SEMA3E: variants seen among roughly 807,000 people sequenced by gnomAD.
SEMA3E encodes the protein semaphorin-3E.
SEMA3E carries 49 observed loss-of-function variants against 93.6 expected under a neutral mutation model. That is an observed-to-expected ratio of 0.52 (90% CI 0.42 to 0.66). The LOEUF is 0.66. Among genes scored for constraint, SEMA3E ranks in the 30% least tolerant of loss-of-function variants. The pLI is 0.00. For missense variants in SEMA3E, 906 were observed against 964.8 expected, an observed-to-expected ratio of 0.94 and a Z score of 0.81; for synonymous variants, 363 against 330.7, an observed-to-expected ratio of 1.10 and a Z score of -1.06.
intron 1 of SEMA3E, among the ~76,000 whole-genome samples, chr7:83,582,074 C>T (rs546349147): frequency 6.6e-5 from 10 of 151,732 alleles, no homozygotes; most frequent in Middle Eastern, 3.2e-3. Context: ...TCCCAAGTCA[C>T]GGGGAGAATA....
chr7:83,385,712 T>C (rs1787865401), intron 15 of SEMA3E, among the ~76,000 whole-genome samples: 1 of 152,088 alleles, frequency 6.6e-6, no homozygotes, highest in African/African-American at 2.4e-5. Context: ...GCATCAGTGT[T>C]AAACTCATGG....
chr7:83,500,590 CTTTTTT>C (rs371350850), intron 1 of SEMA3E, among the ~76,000 whole-genome samples: 9 of 100,616 alleles, frequency 8.9e-5, no homozygotes, highest in African/African-American at 1.8e-4. Flanking sequence ...AACTTTCTTC[CTTTTTT>C]TTTTTTTTTT....
chr7:83,574,372 G>T (rs1792355891), intron 1 of SEMA3E, among the ~76,000 whole-genome samples: 1 of 151,514 alleles, frequency 6.6e-6, no homozygotes, highest in African/African-American at 2.4e-5. Flanking sequence ...AGAAATCTTT[G>T]TTATGAAGAA....
chr7:83,474,568 CAG>C lies in SEMA3E; in HGVS notation c.277-5268_277-5267del, dbSNP rs143776567. Reference sequence around the variant, plus strand: ...ATGTTGCAACACAAGAAAAGATAAACAGAGAAAAATGGTGATATAAAAGAAAA... The same window carrying C: ...ATGTTGCAACACAAGAAAAGATAAACAGAAAAATGGTGATATAAAAGAAAA... On this transcript the variant is annotated intron_variant, in intron 2 of 16. Coordinates refer to ENST00000643230, the MANE Select transcript of SEMA3E (RefSeq NM_012431.3). Among the ~76,000 whole-genome samples, 1,334 of 152,102 alleles carry C rather than the reference CAG, an allele frequency of 8.8e-3. 17 individuals are homozygous for C. The highest frequency in any genetic ancestry group is 0.031 in the African/African-American group (1,292 of 41,524).
At chr7:83,456,716 C>T (rs958227003) in intron 4 of SEMA3E, among the ~76,000 whole-genome samples, 8 of 151,842 alleles carry the variant, frequency 5.3e-5, no homozygotes, top group Admixed American at 2.6e-4. Flanking sequence ...TGGGGTCAAG[C>T]GATTCTCCTG....
At chr7:83,631,323 A>G (rs1277321529) in intron 1 of SEMA3E, among the ~76,000 whole-genome samples, 2 of 152,188 alleles carry the variant, frequency 1.3e-5, no homozygotes, top group Non-Finnish European at 2.9e-5. Flanking sequence ...TTATTGGTCT[A>G]CATCATCCAG....
At chr7:83,503,574 T>C (rs1584293740) in intron 1 of SEMA3E, among the ~76,000 whole-genome samples, 1 of 152,282 alleles carries the variant, frequency 6.6e-6, no homozygotes, top group East Asian at 1.9e-4. Flanking sequence ...TTCATTTTTG[T>C]GCAAACATCA....
chr7:83,446,633 G>T (rs1789236204), intron 4 of SEMA3E, among the ~76,000 whole-genome samples: 1 of 152,180 alleles, frequency 6.6e-6, no homozygotes, highest in Admixed American at 6.5e-5. Flanking sequence ...AGACACAATT[G>T]TTACCAACGT....
intron 16 of SEMA3E, chr7:83,372,057 A>G: frequency 2.6e-6 from 1 of 384,940 alleles, no homozygotes; most frequent in Admixed American, 4.5e-5. Flanking sequence ...TCCTATAATG[A>G]GTAAAGAATT....
chr7:83,499,110 A>G (rs949171351), intron 1 of SEMA3E, among the ~76,000 whole-genome samples: 1 of 152,218 alleles, frequency 6.6e-6, no homozygotes, highest in African/African-American at 2.4e-5. Flanking sequence ...AGTTGCAAAT[A>G]ACATTTTGTT....
At chr7:83,607,631 A>G (rs1793154225) in intron 1 of SEMA3E, among the ~76,000 whole-genome samples, 1 of 152,246 alleles carries the variant, frequency 6.6e-6, no homozygotes, top group Non-Finnish European at 1.5e-5. Flanking sequence ...TACTATAAGT[A>G]TGATCAAGCT....
intron 4 of SEMA3E, among the ~76,000 whole-genome samples, chr7:83,460,886 C>T (rs1455657274): frequency 1.3e-5 from 2 of 151,672 alleles, no homozygotes; most frequent in Non-Finnish European, 2.9e-5. Flanking sequence ...CATTTCTCTA[C>T]TCTCTCTTTT....
intron 1 of SEMA3E, among the ~76,000 whole-genome samples, chr7:83,577,326 G>A (rs902142169): frequency 6.6e-6 from 1 of 151,964 alleles, no homozygotes; most frequent in African/African-American, 2.4e-5. Flanking sequence ...TTTTCCCTTC[G>A]TTTTGAAAGT....
chr7:83,540,401 T>C (rs1211435831), intron 1 of SEMA3E, among the ~76,000 whole-genome samples: 2 of 152,182 alleles, frequency 1.3e-5, no homozygotes, highest in African/African-American at 4.8e-5. Flanking sequence ...AATGATCCAA[T>C]ATATATTAAG....
At chr7:83,579,842 T>C (rs754385860) in intron 1 of SEMA3E, among the ~76,000 whole-genome samples, 2 of 152,110 alleles carry the variant, frequency 1.3e-5, no homozygotes, top group Non-Finnish European at 2.9e-5. Flanking sequence ...TGAATTTTTT[T>C]AATTGGCTAG....
intron 1 of SEMA3E, among the ~76,000 whole-genome samples, chr7:83,495,079 T>C (rs186629817): frequency 3.3e-5 from 5 of 152,066 alleles, no homozygotes; most frequent in African/African-American, 7.2e-5. Context: ...TATAATACCA[T>C]AAATTTGTTA....
At chr7:83,502,374 A>G (rs887191598) in intron 1 of SEMA3E, among the ~76,000 whole-genome samples, 4 of 152,110 alleles carry the variant, frequency 2.6e-5, no homozygotes, top group Admixed American at 6.6e-5. Context: ...TCTGGCTCAA[A>G]GTCTGTCATT....
chr7:83,460,072 G>T (rs1379279198), intron 4 of SEMA3E, among the ~76,000 whole-genome samples: 2 of 152,124 alleles, frequency 1.3e-5, no homozygotes, highest in African/African-American at 4.8e-5. Context: ...CAGCCATGTT[G>T]CTCACACAAA....
At chr7:83,532,153 T>C (rs1791316759) in intron 1 of SEMA3E, among the ~76,000 whole-genome samples, 1 of 152,196 alleles carries the variant, frequency 6.6e-6, no homozygotes, top group Non-Finnish European at 1.5e-5. Flanking sequence ...TTTTAAGGTT[T>C]CTTCATTTCA....
Sources: gnomAD v4.1 joint callset for allele counts (sites outside exome capture counted in the v4.1 genomes callset) on GRCh38, gnomAD v4.1.1 for gene constraint, MANE v1.5 for transcripts, NCBI Gene and HGNC (gene_info 2026-07-23, HGNC 2026-07-21) for gene names.